CEP128: variants seen among roughly 807,000 people sequenced by gnomAD.
CEP128 encodes centrosomal protein 128kDa.
CEP128 carries 132 observed loss-of-function variants against 156.7 expected under a neutral mutation model. The ratio of observed to expected loss-of-function variants is 0.84; its 90% CI spans 0.73 to 0.97. CEP128 has a LOEUF of 0.97. Ranked by LOEUF, CEP128 falls within the 50% of genes least tolerant of loss-of-function variation. CEP128 has a pLI of 0.00. For synonymous variants in CEP128, 469 were observed against 448.9 expected, an observed-to-expected ratio of 1.04 and a Z score of -0.57; for missense variants, 1,252 against 1,281.9, an observed-to-expected ratio of 0.98 and a Z score of 0.36.
At chr14:80,596,279 C>T (rs901539275) in intron 19 of CEP128, among the ~76,000 whole-genome samples, 6 of 151,894 alleles carry the variant, frequency 4.0e-5, no homozygotes, top group Non-Finnish European at 7.4e-5. Context: ...GGTATTATAT[C>T]GTGAAAGTAA....
At position 80,792,967 on chromosome 14, in the gene CEP128, C is replaced by T. The variant is rs1015183931; in HGVS notation, c.1353G>A (p.Ala451=). The T allele has an allele frequency of 6.8e-6, 11 of 1,614,174 alleles. No individual in the cohort carries two copies. The highest frequency in any genetic ancestry group is 4.5e-5 in the East Asian group (2 of 44,882). Residue 451 remains alanine (A), a synonymous_variant, in exon 14 of 25, where the codon GCG becomes GCA. Coordinates refer to ENST00000555265, the MANE Select transcript of CEP128 (RefSeq NM_152446.5). ...DLQISELTRH[A]EDATKQAERY... ...GCTCAGCCTGCTTGGTTGCATCCTC[C>T]GCATGGCGAGTCAGCTCTGAGATCT...
chr14:80,731,773 G>A (rs1898283529), intron 19 of CEP128, among the ~76,000 whole-genome samples: 1 of 152,106 alleles, frequency 6.6e-6, no homozygotes, highest in South Asian at 2.1e-4. Flanking sequence ...AGATTCTTTT[G>A]TTGCCAAATA....
At chr14:80,836,458 T>C in intron 11 of CEP128, 121 bp from the exon 12 acceptor site, 1 of 1,015,296 alleles carries the variant, frequency 9.8e-7, no homozygotes, top group South Asian at 1.6e-5. Flanking sequence ...AGTGGAACGG[T>C]TTCCTGCTCC....
At chr14:80,913,597 G>A (rs545189889) in intron 4 of CEP128, among the ~76,000 whole-genome samples, 21 of 152,176 alleles carry the variant, frequency 1.4e-4, no homozygotes, top group Non-Finnish European at 2.5e-4. Flanking sequence ...ACTTCTTCTC[G>A]CTTATAAAGG....
At chr14:80,753,660 T>G (rs1263377884) in intron 18 of CEP128, among the ~76,000 whole-genome samples, 1 of 152,226 alleles carries the variant, frequency 6.6e-6, no homozygotes, top group Admixed American at 6.5e-5. Flanking sequence ...ACAAAAACTG[T>G]GATCTGTGTC....
chr14:80,842,397 A>G (rs780261507), intron 9 of CEP128, among the ~76,000 whole-genome samples: 18 of 152,130 alleles, frequency 1.2e-4, no homozygotes, highest in Middle Eastern at 3.4e-3. Context: ...CAACAAGTAA[A>G]CACAAATGCA....
chr14:80,785,680 T>C, intron 14 of CEP128, 135 bp from the exon 15 acceptor site: 1 of 666,614 alleles, frequency 1.5e-6, no homozygotes, highest in Non-Finnish European at 2.4e-6. Context: ...TTTGTATTTT[T>C]CCCATTTTTT....
At chr14:80,547,846 T>C (rs912542939) in intron 21 of CEP128, among the ~76,000 whole-genome samples, 5 of 151,344 alleles carry the variant, frequency 3.3e-5, no homozygotes, top group African/African-American at 9.7e-5. Context: ...TTGCCCAAGC[T>C]GGAGTGCAAT....
chr14:80,750,725 T>C (rs1003655808), intron 18 of CEP128, among the ~76,000 whole-genome samples: 2 of 152,186 alleles, frequency 1.3e-5, no homozygotes, highest in Non-Finnish European at 2.9e-5. Flanking sequence ...TGTTTTGTCC[T>C]AACAATAATA....
intron 17 of CEP128, among the ~76,000 whole-genome samples, chr14:80,759,191 A>G (rs1221084975): frequency 2.0e-5 from 3 of 152,226 alleles, no homozygotes; most frequent in Non-Finnish European, 2.9e-5. Context: ...CATTAACTAA[A>G]GTGGAATAAG....
chr14:80,605,518 C>T (rs964632789), intron 19 of CEP128, among the ~76,000 whole-genome samples: 10 of 152,156 alleles, frequency 6.6e-5, no homozygotes, highest in African/African-American at 2.4e-4. Flanking sequence ...CAAATCCTCA[C>T]AATTACAGTA....
rs1042553211 is a variant in CEP128 at position 80,594,714 on chromosome 14, T to C, written c.2807-14291A>G. Among the ~76,000 whole-genome samples the C allele has an allele frequency of 3.3e-5, 5 of 152,124 alleles. No individual in the cohort carries two copies. The East Asian group carries it at 7.7e-4, about 23-fold the overall frequency. On this transcript the variant is annotated intron_variant, in intron 19 of 24. Transcript: ENST00000555265. ...GACATTTATGCAGCCAACAAATATA[T>C]GAAAAAAAGCTCATCATCACTGGTC...
At chr14:80,509,997 C>A (rs1347538699) in intron 23 of CEP128, among the ~76,000 whole-genome samples, 3 of 152,100 alleles carry the variant, frequency 2.0e-5, no homozygotes, top group Non-Finnish European at 4.4e-5. Context: ...TGTTTTTATG[C>A]CAGCAACATG....
chr14:80,684,335 G>GA (rs966379286), intron 19 of CEP128, among the ~76,000 whole-genome samples: 25 of 152,102 alleles, frequency 1.6e-4, no homozygotes, highest in Admixed American at 1.4e-3. Flanking sequence ...ATACAAATCA[G>GA]AAAATCTAGA....
chr14:80,769,138 G>T (rs528101318), intron 16 of CEP128, among the ~76,000 whole-genome samples: 1 of 151,768 alleles, frequency 6.6e-6, no homozygotes, highest in South Asian at 2.1e-4. Context: ...CATTTGGAAC[G>T]AACATTGTTT....
chr14:80,864,527 T>C (rs573724685), intron 8 of CEP128, among the ~76,000 whole-genome samples: 2 of 152,218 alleles, frequency 1.3e-5, no homozygotes, highest in African/African-American at 4.8e-5. Flanking sequence ...CATATGATGA[T>C]ACAGAGTTAC....
intron 13 of CEP128, among the ~76,000 whole-genome samples, chr14:80,802,902 T>C (rs1883961521): frequency 6.6e-6 from 1 of 152,186 alleles, no homozygotes; most frequent in Non-Finnish European, 1.5e-5. Flanking sequence ...TTAGAACCAA[T>C]TCTTTTCTCA....
intron 19 of CEP128, among the ~76,000 whole-genome samples, chr14:80,606,270 T>C (rs974510062): frequency 6.6e-6 from 1 of 152,172 alleles, no homozygotes; most frequent in African/African-American, 2.4e-5. Flanking sequence ...TTTCCTTTCC[T>C]ATTAGAGTTG....
intron 19 of CEP128, among the ~76,000 whole-genome samples, chr14:80,657,151 G>T (rs1180467974): frequency 1.3e-5 from 2 of 151,956 alleles, no homozygotes; most frequent in African/African-American, 4.8e-5. Context: ...CCAGCTACTT[G>T]GGAGGCTGAG....
Sources: allele counts gnomAD v4.1 joint callset (sites outside exome capture counted in the v4.1 genomes callset), GRCh38; gene constraint gnomAD v4.1.1; transcripts MANE v1.5; gene names NCBI Gene and HGNC (gene_info 2026-07-23, HGNC 2026-07-21).